The following TCF12 variants were observed in gnomAD, a reference collection of about 807,000 sequenced individuals.
TCF12 encodes the protein DNA-binding protein HTF4.
In TCF12, 45 loss-of-function variants were observed where a neutral mutation model predicts 86.0. The ratio of observed to expected loss-of-function variants is 0.52; its 90% CI spans 0.41 to 0.67. TCF12 has a LOEUF of 0.67. TCF12 is among the 30% of genes least tolerant of loss of function. The probability of loss-of-function intolerance (pLI) is 0.00; values close to 1 mark genes in which losing one functional copy is unlikely to be tolerated. For missense variants in TCF12, 881 were observed against 859.9 expected, an observed-to-expected ratio of 1.02 and a Z score of -0.31; for synonymous variants, 330 against 299.6, an observed-to-expected ratio of 1.10 and a Z score of -1.05.
At chr15:57,252,860 T>G (rs1393320776) in intron 15 of TCF12, among the ~76,000 whole-genome samples, 1 of 152,000 alleles carries the variant, frequency 6.6e-6, no homozygotes. Flanking sequence ...AACTTAAACT[T>G]ACTGGATTTG....
chr15:57,178,490 A>G (rs780574344), intron 6 of TCF12, among the ~76,000 whole-genome samples: 9 of 152,224 alleles, frequency 5.9e-5, no homozygotes, highest in Non-Finnish European at 1.3e-4. Flanking sequence ...AAAGAGAAAA[A>G]GAGTGGCTTC....
In TCF12 at chr15:56,920,623, C is replaced by T. The variant is rs117342273; in HGVS notation, c.76-403C>T. On this transcript the variant is annotated intron_variant, in intron 2 of 20. Coordinates refer to ENST00000333725, the MANE Select transcript of TCF12 (RefSeq NM_207037.2). Reference sequence around the variant, plus strand: ...TATTAACTGCTGTTAGGAGGCAGCACCTATACCTGCTTTATACAATTCAGT... The same window carrying T: ...TATTAACTGCTGTTAGGAGGCAGCATCTATACCTGCTTTATACAATTCAGT... 4.5e-3 allele frequency among the ~76,000 whole-genome samples: 692 copies of T among 152,096 alleles called. 8 individuals are homozygous for T. Among genetic ancestry groups the T allele is most frequent in the Admixed American group, 0.022 (333 of 15,280 alleles).
intron 4 of TCF12, among the ~76,000 whole-genome samples, chr15:57,082,337 T>C (rs1202165640): frequency 6.6e-6 from 1 of 152,240 alleles, no homozygotes; most frequent in Non-Finnish European, 1.5e-5. Context: ...CAAGATAGGA[T>C]ACCAGTGACA....
At chr15:57,198,954 C>G (rs922369077) in intron 8 of TCF12, among the ~76,000 whole-genome samples, 3 of 152,106 alleles carry the variant, frequency 2.0e-5, no homozygotes, top group African/African-American at 7.2e-5. Flanking sequence ...TATTCCCCTG[C>G]CTTCTCTACC....
chr15:57,121,935 T>G (rs2051263461), intron 5 of TCF12, among the ~76,000 whole-genome samples: 1 of 152,196 alleles, frequency 6.6e-6, no homozygotes, highest in African/African-American at 2.4e-5. Flanking sequence ...TGCCATATTT[T>G]TATGATGGTG....
chr15:57,209,435 A>C (rs1386176794), intron 8 of TCF12, among the ~76,000 whole-genome samples: 1 of 152,186 alleles, frequency 6.6e-6, no homozygotes, highest in Non-Finnish European at 1.5e-5. Flanking sequence ...CGCGAAAGAA[A>C]AGTATGGAAA....
chr15:57,196,878 A>G (rs2057292254), intron 7 of TCF12, among the ~76,000 whole-genome samples: 2 of 152,220 alleles, frequency 1.3e-5, no homozygotes, highest in South Asian at 2.1e-4. Context: ...GCATTTGTCA[A>G]TGCCCATATT....
intron 4 of TCF12, among the ~76,000 whole-genome samples, chr15:57,077,147 T>C (rs1432779954): frequency 2.0e-5 from 3 of 152,136 alleles, no homozygotes; most frequent in Non-Finnish European, 4.4e-5. Flanking sequence ...TTTGCATATA[T>C]ATATTGAAAA....
intron 3 of TCF12, among the ~76,000 whole-genome samples, chr15:56,925,510 C>A (rs1204432368): frequency 6.6e-6 from 1 of 152,126 alleles, no homozygotes; most frequent in East Asian, 1.9e-4. Context: ...AAACAACTTT[C>A]AAATTTTATA....
intron 19 of TCF12, among the ~76,000 whole-genome samples, chr15:57,277,752 G>A (rs2061471434): frequency 6.6e-6 from 1 of 151,660 alleles, no homozygotes; most frequent in African/African-American, 2.4e-5. Flanking sequence ...ACCAGCCTGA[G>A]CAACAGTTAG....
chr15:56,969,392 G>C (rs1296403618), intron 3 of TCF12, among the ~76,000 whole-genome samples: 4 of 152,122 alleles, frequency 2.6e-5, no homozygotes, highest in South Asian at 2.1e-4. Flanking sequence ...TGAGGATCTT[G>C]GGCCCGTGCT....
rs1427678755 is a variant in TCF12, at chr15:57,042,246, G to A, written c.149-21504G>A. Among the ~76,000 whole-genome samples the A allele has an allele frequency of 3.3e-5, 5 of 152,130 alleles. No individual in the cohort carries two copies. In the East Asian group the frequency reaches 5.8e-4, roughly 18 times the overall value. ...CATAAAGTGAATCCTTAGCAAGTGTGGGTCTGGCTCATTTGTGGTTCATCA... is the reference window on the plus strand; with the variant it reads ...CATAAAGTGAATCCTTAGCAAGTGTAGGTCTGGCTCATTTGTGGTTCATCA... On this transcript the variant is annotated intron_variant, in intron 3 of 20. Coordinates refer to ENST00000333725, the MANE Select transcript of TCF12 (RefSeq NM_207037.2).
chr15:57,003,454 A>G (rs766905501), intron 3 of TCF12, among the ~76,000 whole-genome samples: 29 of 152,234 alleles, frequency 1.9e-4, no homozygotes, highest in Admixed American at 6.5e-4. Context: ...TTTCTCCATG[A>G]TGCACATTGT....
chr15:57,029,615 C>G lies in TCF12; in HGVS notation c.149-34135C>G, dbSNP rs148346475. ...AAAAATTAACATGGAGTAAAATGGA[C>G]TTTTTTGGTGTATAAGTCAATAAAC... On this transcript the variant is annotated intron_variant, in intron 3 of 20. Coordinates refer to ENST00000333725, the MANE Select transcript of TCF12 (RefSeq NM_207037.2). 2.1e-3 allele frequency among the ~76,000 whole-genome samples: 327 copies of G among 152,180 alleles called. 1 individual carries two copies. The highest frequency in any genetic ancestry group is 7.6e-3 in the African/African-American group (316 of 41,532).
At chr15:57,023,563 A>G (rs1279632413) in intron 3 of TCF12, among the ~76,000 whole-genome samples, 3 of 152,190 alleles carry the variant, frequency 2.0e-5, no homozygotes, top group Non-Finnish European at 2.9e-5. Context: ...AAACCTCTTA[A>G]TAATTATTTA....
chr15:57,227,678 C>A (rs1260077396), intron 8 of TCF12, among the ~76,000 whole-genome samples: 1 of 152,000 alleles, frequency 6.6e-6, no homozygotes, highest in Non-Finnish European at 1.5e-5. Flanking sequence ...CAAGTTAGAA[C>A]TGTCTGTTCA....
chr15:57,111,192 C>T (rs1380608639), intron 5 of TCF12, among the ~76,000 whole-genome samples: 2 of 152,034 alleles, frequency 1.3e-5, no homozygotes, highest in Non-Finnish European at 2.9e-5. Flanking sequence ...TGGTTGGCTT[C>T]TTGGTGGAAG....
At chr15:57,017,235 A>G (rs1311408315) in intron 3 of TCF12, among the ~76,000 whole-genome samples, 1 of 152,160 alleles carries the variant, frequency 6.6e-6, no homozygotes, top group Admixed American at 6.5e-5. Flanking sequence ...GTAATAAAAG[A>G]TCCATTTGAG....
chr15:56,939,869 G>A (rs2060647255), intron 3 of TCF12, among the ~76,000 whole-genome samples: 1 of 151,408 alleles, frequency 6.6e-6, no homozygotes, highest in Non-Finnish European at 1.5e-5. Context: ...TGGCCAAGTA[G>A]TAAAGCCATG....
Sources: gnomAD v4.1 joint callset for allele counts (sites outside exome capture counted in the v4.1 genomes callset) on GRCh38, gnomAD v4.1.1 for gene constraint, MANE v1.5 for transcripts, NCBI Gene and HGNC (gene_info 2026-07-23, HGNC 2026-07-21) for gene names.